The following MTUS1 variants were observed in gnomAD, a reference collection of about 807,000 sequenced individuals.
MTUS1 encodes microtubule associated scaffold protein 1, also known as microtubule-associated tumor suppressor 1.
Under a neutral mutation model 120.8 loss-of-function variants are expected in MTUS1, and 109 were observed. The ratio of observed to expected loss-of-function variants is 0.90; its 90% CI spans 0.77 to 1.06. The LOEUF (loss-of-function observed/expected upper bound fraction) is 1.06, where lower values mean the gene tolerates loss of function less well. Ranked by LOEUF, MTUS1 falls within the 50% of genes least tolerant of loss-of-function variation. The pLI is 0.00. For missense variants in MTUS1, 2,210 were observed against 1,486.3 expected (o/e 1.49, Z -8.01); for synonymous variants, 737 against 550.5 (o/e 1.34, Z -4.74).
chr8:17,655,535 C>A (rs1325056861), intron 9 of MTUS1, among the ~76,000 whole-genome samples: 1 of 152,072 alleles, frequency 6.6e-6, no homozygotes, highest in Non-Finnish European at 1.5e-5. Context: ...ACCAGCCTGG[C>A]CAACATGGTG....
intron 6 of MTUS1, among the ~76,000 whole-genome samples, chr8:17,687,222 C>T (rs1262596965): frequency 6.6e-6 from 1 of 152,154 alleles, no homozygotes; most frequent in African/African-American, 2.4e-5. Context: ...CACCATCTTC[C>T]GCTCCATATA....
At chr8:17,779,627 T>A (rs1490046683) in intron 1 of MTUS1, among the ~76,000 whole-genome samples, 1 of 152,184 alleles carries the variant, frequency 6.6e-6, no homozygotes, top group African/African-American at 2.4e-5. Context: ...GTTTGACAAA[T>A]CGAAACCTCT....
chr8:17,721,172 T>C (rs968745969), intron 4 of MTUS1, among the ~76,000 whole-genome samples: 1 of 152,164 alleles, frequency 6.6e-6, no homozygotes, highest in African/African-American at 2.4e-5. Context: ...CTTAAGCCAG[T>C]ATAAATCAGA....
intron 4 of MTUS1, chr8:17,721,564 T>G: frequency 2.1e-6 from 2 of 972,292 alleles, no homozygotes; most frequent in East Asian, 5.4e-5. Flanking sequence ...CATTCACATC[T>G]TAAATATACA....
At chr8:17,699,146 G>A (rs960306451) in intron 6 of MTUS1, among the ~76,000 whole-genome samples, 2 of 152,060 alleles carry the variant, frequency 1.3e-5, no homozygotes, top group African/African-American at 4.8e-5. Context: ...AGTAGGAGGT[G>A]GTTTTTCTTT....
intron 1 of MTUS1, among the ~76,000 whole-genome samples, chr8:17,776,839 A>G (rs2050479594): frequency 6.6e-6 from 1 of 152,128 alleles, no homozygotes; most frequent in Non-Finnish European, 1.5e-5. Context: ...CTGTTTTCCT[A>G]TCTAAATACA....
At chr8:17,724,574 C>G (rs570990715) in intron 3 of MTUS1, among the ~76,000 whole-genome samples, 1 of 152,210 alleles carries the variant, frequency 6.6e-6, no homozygotes, top group Admixed American at 6.5e-5. Flanking sequence ...CAACTTGCAA[C>G]TCTTTCTTGC....
At chr8:17,697,569 C>A in intron 6 of MTUS1, 1 of 1,356,196 alleles carries the variant, frequency 7.4e-7, no homozygotes, top group Non-Finnish European at 9.5e-7. Flanking sequence ...GTGTTTCTGG[C>A]TTCCGTTTTC....
intron 2 of MTUS1, among the ~76,000 whole-genome samples, chr8:17,752,031 C>T (rs1233179114): frequency 2.6e-5 from 4 of 152,028 alleles, no homozygotes; most frequent in Admixed American, 6.6e-5. Flanking sequence ...GCTGTTTCTC[C>T]AAGACATACT....
At chr8:17,736,289 C>T (rs1437485918) in intron 3 of MTUS1, among the ~76,000 whole-genome samples, 4 of 152,218 alleles carry the variant, frequency 2.6e-5, no homozygotes, top group African/African-American at 9.6e-5. Flanking sequence ...CTCGCAGGCA[C>T]CTGCATGGCC....
Position 17,769,455 on chromosome 8 carries a change from C to T in MTUS1, c.-154-13494G>A, listed in dbSNP as rs1462109905. ...CTCCGCCTCCCGGGTTCACGCCATT[C>T]TCCTGCCTCAGCCTCCCCAGTAGCT... is the stretch of plus-strand genomic sequence containing the variant. On this transcript the variant is annotated intron_variant, in intron 1 of 14. Coordinates refer to ENST00000693296, the MANE Select transcript of MTUS1 (RefSeq NM_001363059.2). 2.0e-5 allele frequency among the ~76,000 whole-genome samples: 3 copies of T among 150,266 alleles called. No individual in the cohort carries two copies. In the East Asian group the frequency reaches 5.9e-4, roughly 30 times the overall value.
rs527384294 is a variant in MTUS1 at position 17,706,051 on chromosome 8, C to G, written c.2623+7163G>C. On this transcript the variant is annotated intron_variant, in intron 6 of 14. Coordinates refer to ENST00000693296, the MANE Select transcript of MTUS1 (RefSeq NM_001363059.2). ...TTAAATAAATTACAACAGTTAGACC[C>G]CAAGAGGTTGGTTCTTGACTTTAAG... 5 of 152,080 alleles carry G rather than the reference C, an allele frequency of 3.3e-5. No individual in the cohort carries two copies. The East Asian group carries it at 9.7e-4, about 29-fold the overall frequency. 9.4% of individuals were successfully genotyped at this position (152,080 alleles called of 1,614,324 possible).
At chr8:17,778,271 C>T (rs2050610848) in intron 1 of MTUS1, among the ~76,000 whole-genome samples, 1 of 152,034 alleles carries the variant, frequency 6.6e-6, no homozygotes, top group Admixed American at 6.6e-5. Flanking sequence ...ACGTCACACA[C>T]AAAAGTCTCC....
intron 8 of MTUS1, among the ~76,000 whole-genome samples, chr8:17,665,171 C>A (rs1435742849): frequency 1.3e-5 from 2 of 152,196 alleles, no homozygotes; most frequent in Non-Finnish European, 2.9e-5. Flanking sequence ...AGAAATTTTG[C>A]AGACAAGTGG....
At chr8:17,770,322 G>A (rs1270350243) in intron 1 of MTUS1, 5 of 152,088 alleles carry the variant, frequency 3.3e-5, no homozygotes, top group Non-Finnish European at 7.4e-5. Context: ...ATATAAGCAG[G>A]TGGAAAGCAT....
At position 17,754,140 on chromosome 8, in the gene MTUS1, T is replaced by C; in HGVS notation, c.1668A>G (p.Thr556=). 1 of 1,613,900 alleles carries C rather than the reference T, an allele frequency of 6.2e-7. No homozygotes were observed. The highest frequency in any genetic ancestry group is 8.5e-7 in the Non-Finnish European group (1 of 1,180,042). Residue 556 remains threonine (T), a synonymous_variant, in exon 2 of 15, where the codon ACA becomes ACG. Transcript: ENST00000693296. ...TGTCTGCATTCAAGTCAGATCTCGG[T>C]GTTCTGCTCAAGACTGTTTGTTGTC... ...NSRQQTVLSR[T]PRSDLNADKK...
chr8:17,684,683 C>T (rs1815382412), intron 6 of MTUS1, 141 bp from the exon 7 acceptor site: 5 of 676,330 alleles, frequency 7.4e-6, no homozygotes, highest in East Asian at 2.6e-5. Flanking sequence ...TGGATGAGAA[C>T]TGGAATGAAT....
At chr8:17,662,964 T>A (rs747136090) in intron 8 of MTUS1, among the ~76,000 whole-genome samples, 1 of 152,052 alleles carries the variant, frequency 6.6e-6, no homozygotes, top group Non-Finnish European at 1.5e-5. Flanking sequence ...CACATTGAGA[T>A]TAGAAGTCAG....
rs1812718623 is a variant in MTUS1 at position 17,674,682 on chromosome 8, A to G, written c.2905+504T>C. On this transcript the variant is annotated intron_variant, in intron 8 of 14. Coordinates refer to ENST00000693296, the MANE Select transcript of MTUS1 (RefSeq NM_001363059.2). ...CTGTGGAGCGGGGAGGTGGTGAACC[A>G]TCAGCCCCCCTCCAAATAGTAAGAT... 5.1e-6 allele frequency: 5 copies of G among 987,352 alleles called. No homozygotes were observed. The South Asian group carries it at 1.9e-4, about 37-fold the overall frequency. 61.2% of individuals were successfully genotyped at this position (987,352 alleles called of 1,614,324 possible).
Sources: gnomAD v4.1 joint callset for allele counts (sites outside exome capture counted in the v4.1 genomes callset) on GRCh38, gnomAD v4.1.1 for gene constraint, MANE v1.5 for transcripts, NCBI Gene and HGNC (gene_info 2026-07-23, HGNC 2026-07-21) for gene names.